Variants in WDR72 observed in about 807,000 individuals in gnomAD.
The protein encoded by WDR72 is WD repeat-containing protein 72.
Under a neutral mutation model 124.2 loss-of-function variants are expected in WDR72, and 120 were observed. That is an observed-to-expected ratio of 0.97 (90% CI 0.83 to 1.12). The LOEUF is 1.12. WDR72 is among the 50% of genes most tolerant of loss of function. The probability of loss-of-function intolerance (pLI) is 0.00; values close to 1 mark genes in which losing one functional copy is unlikely to be tolerated. For synonymous variants in WDR72, 452 were observed against 441.7 expected (o/e 1.02, Z -0.29); for missense variants, 1,387 against 1,278.8 (o/e 1.08, Z -1.29).
At chr15:53,616,367 A>C (rs2013767922) in intron 14 of WDR72, 124 bp from the exon 15 acceptor site, 1 of 683,510 alleles carries the variant, frequency 1.5e-6, no homozygotes, top group South Asian at 2.3e-5. Flanking sequence ...AAGTCATTTC[A>C]ATTTTTTTGT....
chr15:53,639,229 G>GT, intron 14 of WDR72, among the ~76,000 whole-genome samples: 1 of 151,952 alleles, frequency 6.6e-6, no homozygotes, highest in Non-Finnish European at 1.5e-5. Context: ...CTCATCAAAA[G>GT]TATCTCCTAT....
At chr15:53,716,900 A>T (rs2017728147) in intron 3 of WDR72, among the ~76,000 whole-genome samples, 1 of 152,160 alleles carries the variant, frequency 6.6e-6, no homozygotes, top group South Asian at 2.1e-4. Flanking sequence ...CAGCCTGCAA[A>T]CCTTACTTTA....
intron 18 of WDR72, among the ~76,000 whole-genome samples, chr15:53,551,809 GA>G (rs1893739860): frequency 1.3e-5 from 2 of 152,072 alleles, no homozygotes; most frequent in Admixed American, 1.3e-4. Context: ...GGTAAAATTA[GA>G]TGTAGGATAC....
intron 18 of WDR72, among the ~76,000 whole-genome samples, chr15:53,537,597 G>C (rs1886729992): frequency 1.3e-5 from 2 of 152,016 alleles, no homozygotes; most frequent in South Asian, 4.2e-4. Flanking sequence ...GCCTACCAGG[G>C]GCAAGAAACT....
chr15:53,621,597 G>A (rs2013997038), intron 14 of WDR72, among the ~76,000 whole-genome samples: 1 of 151,832 alleles, frequency 6.6e-6, no homozygotes, highest in African/African-American at 2.4e-5. Flanking sequence ...CTGTGAGAAT[G>A]CAAAGGCATA....
At chr15:53,593,739 G>A (rs1454134998) in intron 18 of WDR72, among the ~76,000 whole-genome samples, 2 of 151,684 alleles carry the variant, frequency 1.3e-5, no homozygotes, top group Non-Finnish European at 2.9e-5. Context: ...TCTAGCCTGG[G>A]TGACAGAGTG....
chr15:53,525,813 T>G (rs1024636781), intron 18 of WDR72, among the ~76,000 whole-genome samples: 3 of 152,072 alleles, frequency 2.0e-5, no homozygotes, highest in Admixed American at 1.3e-4. Flanking sequence ...ACAGATTAGT[T>G]TCCAAATTTA....
Position 53,514,807 on chromosome 15 carries a change from A to G in WDR72, c.*2892T>C, listed in dbSNP as rs1891342748. 6.6e-6 allele frequency: 1 copy of G among 151,802 alleles called. No individual in the cohort carries two copies. Among genetic ancestry groups the G allele is most frequent in the African/African-American group, 2.4e-5 (1 of 41,318 alleles). 9.4% of individuals were successfully genotyped at this position (151,802 alleles called of 1,614,324 possible). A position where few individuals can be genotyped will look rare whatever the true frequency, so the allele number is the denominator to read the frequency against. ...GAGCCCTGTGAGAAAGCTCTCCAAC[A>G]CAGGGGAGGGAATGAGGCTCTGACA... On this transcript the variant is annotated 3_prime_UTR_variant, in exon 20 of 20. Transcript: ENST00000360509.
At chr15:53,550,621 A>G (rs982565384) in intron 18 of WDR72, among the ~76,000 whole-genome samples, 2 of 152,332 alleles carry the variant, frequency 1.3e-5, no homozygotes, top group East Asian at 1.9e-4. Flanking sequence ...AGAGAAAAAG[A>G]TGTGTGTTTT....
chr15:53,664,148 T>C (rs2015700397), intron 14 of WDR72, among the ~76,000 whole-genome samples: 1 of 152,136 alleles, frequency 6.6e-6, no homozygotes, highest in African/African-American at 2.4e-5. Flanking sequence ...GCTGAAAGCA[T>C]TGGCTACATT....
intron 17 of WDR72, among the ~76,000 whole-genome samples, chr15:53,599,864 T>C (rs1015541690): frequency 2.6e-5 from 4 of 152,206 alleles, no homozygotes; most frequent in African/African-American, 9.6e-5. Flanking sequence ...ACTTTAACTG[T>C]TGATTTTTTA....
intron 18 of WDR72, among the ~76,000 whole-genome samples, chr15:53,526,410 C>T (rs1247650776): frequency 6.6e-6 from 1 of 152,084 alleles, no homozygotes; most frequent in Non-Finnish European, 1.5e-5. Context: ...ACCAAAGATA[C>T]ACATTAGCCT....
intron 2 of WDR72, among the ~76,000 whole-genome samples, chr15:53,729,384 A>C (rs2018133321): frequency 6.6e-6 from 1 of 152,108 alleles, no homozygotes; most frequent in Non-Finnish European, 1.5e-5. Context: ...AAACCCAAAT[A>C]CAATTGAATA....
chr15:53,546,808 G>T (rs540902178), intron 18 of WDR72, among the ~76,000 whole-genome samples: 5 of 152,154 alleles, frequency 3.3e-5, no homozygotes, highest in Non-Finnish European at 7.4e-5. Context: ...AAAGGGGAAG[G>T]AAAATGACTA....
intron 1 of WDR72, among the ~76,000 whole-genome samples, chr15:53,749,061 G>T (rs1351914730): frequency 6.6e-6 from 1 of 152,172 alleles, no homozygotes; most frequent in African/African-American, 2.4e-5. Context: ...TAATGTAAAT[G>T]CAAGAGTGTC....
chr15:53,727,140 C>G (rs1478877410), intron 2 of WDR72, among the ~76,000 whole-genome samples: 1 of 148,174 alleles, frequency 6.7e-6, no homozygotes. Context: ...AGTGAAACCC[C>G]ATGTCTATTA....
intron 1 of WDR72, among the ~76,000 whole-genome samples, chr15:53,756,002 C>A (rs1370872257): frequency 6.6e-6 from 1 of 152,064 alleles, no homozygotes; most frequent in African/African-American, 2.4e-5. Context: ...GTACTGATAC[C>A]CTAAGGAGAA....
At chr15:53,611,281 T>C (rs1316523955) in intron 16 of WDR72, among the ~76,000 whole-genome samples, 1 of 152,106 alleles carries the variant, frequency 6.6e-6, no homozygotes, top group Non-Finnish European at 1.5e-5. Context: ...TCCCTACTCC[T>C]TAGCTGAATT....
Position 53,726,644 on chromosome 15 carries a change from C to G in WDR72, c.154-3736G>C, listed in dbSNP as rs572440114. Among the ~76,000 whole-genome samples the G allele has an allele frequency of 4.5e-4, 69 of 152,048 alleles. 1 individual carries two copies. Among genetic ancestry groups the G allele is most frequent in the African/African-American group, 1.5e-3 (64 of 41,478 alleles). ...ATCACTTGAATCCAGAAATTCAAGA[C>G]CAGCCTGGGCAATGTAGTGAGACCT... On this transcript the variant is annotated intron_variant, in intron 2 of 19. Coordinates refer to ENST00000360509, the MANE Select transcript of WDR72 (RefSeq NM_182758.4).
Sources: gnomAD v4.1 joint callset for allele counts (sites outside exome capture counted in the v4.1 genomes callset) on GRCh38, gnomAD v4.1.1 for gene constraint, MANE v1.5 for transcripts, NCBI Gene and HGNC (gene_info 2026-07-23, HGNC 2026-07-21) for gene names.